The following SV2B variants were observed in gnomAD, a reference collection of about 807,000 sequenced individuals.
SV2B encodes solute carrier family 22 member B2.
In SV2B, 41 loss-of-function variants were observed where a neutral mutation model predicts 73.9. That is an observed-to-expected ratio of 0.56 (90% confidence interval 0.43 to 0.72). The LOEUF (loss-of-function observed/expected upper bound fraction) is 0.72. SV2B is among the 30% of genes least tolerant of loss of function. The probability of loss-of-function intolerance (pLI) is 0.00; values close to 1 mark genes in which losing one functional copy is unlikely to be tolerated. For synonymous variants in SV2B, 314 were observed against 314.2 expected (o/e 1.00, Z 0.01); for missense variants, 764 against 857.8 (o/e 0.89, Z 1.37).
intron 1 of SV2B, among the ~76,000 whole-genome samples, chr15:91,189,372 AT>A (rs752346738): frequency 2.6e-5 from 4 of 152,022 alleles, no homozygotes; most frequent in Middle Eastern, 3.2e-3. Context: ...GTATTGTTTT[AT>A]TTTTATGTAT....
chr15:91,244,840 A>T (rs907147752), intron 2 of SV2B, among the ~76,000 whole-genome samples: 1 of 152,200 alleles, frequency 6.6e-6, no homozygotes, highest in African/African-American at 2.4e-5. Context: ...GATGCAATGG[A>T]AATGGTTTAG....
At position 91,284,284 on chromosome 15, in the gene SV2B, T is replaced by A; in HGVS notation, c.1708+63T>A. On this transcript the variant is annotated intron_variant, in intron 11 of 12. Transcript: ENST00000394232. This position sits in a 1 kb window ranked among gnomAD's most constrained non-coding sequence, Gnocchi z 4.5. ...GCTGGGGTGGTGACTTTCAAGTGTA[T>A]TAAACAGGGAAATTTTCCCTTTTAT... The A allele has an allele frequency of 6.5e-7, 1 of 1,549,896 alleles. No homozygotes were observed. Among genetic ancestry groups the A allele is most frequent in the Non-Finnish European group, 8.9e-7 (1 of 1,129,850 alleles).
At position 91,283,314 on chromosome 15, in the gene SV2B, A is replaced by G. The variant is rs1274042753; in HGVS notation, c.1508-707A>G. 6.6e-6 allele frequency among the ~76,000 whole-genome samples: 1 copy of G among 152,212 alleles called. No individual in the cohort carries two copies. Among genetic ancestry groups the G allele is most frequent in the Non-Finnish European group, 1.5e-5 (1 of 68,024 alleles). Reference sequence around the variant, plus strand: ...GGAGTGATCGGCTCCATCTGGAACCAACTCTCTTGTGTTCTGCTCCCCTAT... The same window carrying G: ...GGAGTGATCGGCTCCATCTGGAACCGACTCTCTTGTGTTCTGCTCCCCTAT... On this transcript the variant is annotated intron_variant, in intron 10 of 12. Transcript: ENST00000394232. This position sits in a 1 kb window ranked among gnomAD's most constrained non-coding sequence, Gnocchi z 4.3.
chr15:91,158,970 CTAATG>C (rs2043614025), intron 1 of SV2B, among the ~76,000 whole-genome samples: 2 of 151,766 alleles, frequency 1.3e-5, no homozygotes, highest in African/African-American at 4.8e-5. Context: ...CCTGGTTGTG[CTAATG>C]TAGGAAAGAA....
intron 1 of SV2B, among the ~76,000 whole-genome samples, chr15:91,218,732 C>T (rs2046116735): frequency 6.6e-6 from 1 of 152,114 alleles, no homozygotes; most frequent in Non-Finnish European, 1.5e-5. Context: ...CCATTTTCTT[C>T]TTCTGCCCTG....
chr15:91,209,600 G>A (rs1229503603), intron 1 of SV2B, among the ~76,000 whole-genome samples: 2 of 152,210 alleles, frequency 1.3e-5, no homozygotes, highest in African/African-American at 4.8e-5. Context: ...GAGATAATAT[G>A]TGATATTCTG....
In SV2B at chr15:91,278,823, G is replaced by A. The variant is rs1358139502; in HGVS notation, c.1374-2905G>A. 2.0e-5 allele frequency among the ~76,000 whole-genome samples: 3 copies of A among 152,056 alleles called. No homozygotes were observed. The East Asian group carries it at 5.8e-4, about 29-fold the overall frequency. On this transcript the variant is annotated intron_variant, in intron 9 of 12. Coordinates refer to ENST00000394232, the MANE Select transcript of SV2B (RefSeq NM_001323032.3). ...TTTGATTTACCTCAGATTAGGACCTGATCTAAGGTAATATGTGAGAAGCCG... is the reference window on the plus strand; with the variant it reads ...TTTGATTTACCTCAGATTAGGACCTAATCTAAGGTAATATGTGAGAAGCCG...
At chr15:91,228,283 C>G (rs963437448) in intron 2 of SV2B, among the ~76,000 whole-genome samples, 1 of 152,072 alleles carries the variant, frequency 6.6e-6, no homozygotes, top group Non-Finnish European at 1.5e-5. Flanking sequence ...AAGATATCAC[C>G]TGGAGTTTTT....
intron 1 of SV2B, among the ~76,000 whole-genome samples, chr15:91,191,294 C>T (rs1857481201): frequency 6.6e-6 from 1 of 151,838 alleles, no homozygotes; most frequent in Non-Finnish European, 1.5e-5. Flanking sequence ...TGTACAGGCT[C>T]CTAGTAATCT....
intron 2 of SV2B, among the ~76,000 whole-genome samples, chr15:91,248,165 CA>C (rs534556244): frequency 1.3e-5 from 2 of 151,906 alleles, no homozygotes; most frequent in African/African-American, 4.8e-5. Flanking sequence ...ACTAAAAATA[CA>C]AAAAATTAGC....
At position 91,159,355 on chromosome 15, in the gene SV2B, G is replaced by A. The variant is rs115471658; in HGVS notation, c.-392+58992G>A. Among the ~76,000 whole-genome samples the A allele has an allele frequency of 7.8e-3, 1,181 of 152,300 alleles. 16 individuals carry two copies. Among genetic ancestry groups the A allele is most frequent in the African/African-American group, 0.027 (1,121 of 41,564 alleles). ...TCTGGATAGTCAGATTACCTACACAGTGAAGCTCTGCTCTACCCAAAAGGG... is the reference window on the plus strand; with the variant it reads ...TCTGGATAGTCAGATTACCTACACAATGAAGCTCTGCTCTACCCAAAAGGG... On this transcript the variant is annotated intron_variant, in intron 1 of 12. Coordinates refer to ENST00000394232, the MANE Select transcript of SV2B (RefSeq NM_001323032.3).
intron 10 of SV2B, among the ~76,000 whole-genome samples, chr15:91,282,473 G>T (rs980167046): frequency 6.6e-6 from 1 of 152,026 alleles, no homozygotes; most frequent in Non-Finnish European, 1.5e-5. Context: ...GTGAAGTCGG[G>T]GTATAAGGAA....
intron 2 of SV2B, among the ~76,000 whole-genome samples, chr15:91,246,475 A>C (rs2047230489): frequency 6.6e-6 from 1 of 152,166 alleles, no homozygotes; most frequent in Non-Finnish European, 1.5e-5. Context: ...TGGGCACCGA[A>C]TTTTACAAAG....
rs2047783072 is a variant in SV2B, at chr15:91,258,491, G to T, written c.855G>T (p.Leu285=). The change falls in exon 5 of 13, where the codon CTG becomes CTT. Residue 285 remains leucine (L), a synonymous_variant. Transcript: ENST00000394232. This position sits in a 1 kb window ranked among gnomAD's most constrained non-coding sequence, Gnocchi z 4.7. ...GAGTGTTTGTCATCGTCTGTGCTCT[G>T]CCCTGCACCGTGTCCATGGTGGCCC... The part of the protein sequence containing the change: ...SWRVFVIVCA[L]PCTVSMVALK... The T allele has an allele frequency of 6.2e-7, 1 of 1,614,024 alleles. No individual in the cohort carries two copies. The highest frequency in any genetic ancestry group is 1.1e-5 in the South Asian group (1 of 91,078).
chr15:91,124,124 CT>C lies in SV2B; in HGVS notation c.-392+23763del, dbSNP rs1176179409. Among the ~76,000 whole-genome samples the C allele has an allele frequency of 1.3e-5, 2 of 152,186 alleles. No homozygotes were observed. The highest frequency in any genetic ancestry group is 4.8e-5 in the African/African-American group (2 of 41,444). ...CCAAGGTGGGCAAACTGTGTTTTGG[CT>C]TGCTGGTACTGGTTTGCCATTCTTT... On this transcript the variant is annotated intron_variant, in intron 1 of 12. Coordinates refer to ENST00000394232, the MANE Select transcript of SV2B (RefSeq NM_001323032.3). This position sits in a 1 kb window ranked among gnomAD's most constrained non-coding sequence, Gnocchi z 4.6.
At chr15:91,155,098 T>C (rs2043442561) in intron 1 of SV2B, among the ~76,000 whole-genome samples, 1 of 152,160 alleles carries the variant, frequency 6.6e-6, no homozygotes, top group Admixed American at 6.5e-5. Flanking sequence ...GGGACTCTGA[T>C]TCTTCCCACT....
In SV2B at chr15:91,118,088, G is replaced by A. The variant is rs1490374931; in HGVS notation, c.-392+17725G>A. Among the ~76,000 whole-genome samples the A allele has an allele frequency of 6.6e-6, 1 of 152,134 alleles. No homozygotes were observed. Among genetic ancestry groups the A allele is most frequent in the Non-Finnish European group, 1.5e-5 (1 of 68,022 alleles). ...AGTGGGTAGAATTTTTGAAATCTTG[G>A]CCTGTAACAAATACTAGCTTGAGGT... On this transcript the variant is annotated intron_variant, in intron 1 of 12. Coordinates refer to ENST00000394232, the MANE Select transcript of SV2B (RefSeq NM_001323032.3). The surrounding 1 kb of genome is among the most constrained non-coding windows in gnomAD (Gnocchi z 4.7).
intron 1 of SV2B, among the ~76,000 whole-genome samples, chr15:91,165,929 T>G (rs2043896553): frequency 6.6e-6 from 1 of 152,250 alleles, no homozygotes; most frequent in African/African-American, 2.4e-5. Context: ...TTGTTTTTCT[T>G]TATCTGTAAA....
intron 1 of SV2B, among the ~76,000 whole-genome samples, chr15:91,145,521 G>C (rs1310709726): frequency 6.6e-6 from 1 of 152,146 alleles, no homozygotes; most frequent in Non-Finnish European, 1.5e-5. Flanking sequence ...GAGATTGCTG[G>C]GTTGAATGGT....
Sources: gnomAD v4.1 joint callset for allele counts (sites outside exome capture counted in the v4.1 genomes callset) on GRCh38, gnomAD v4.1.1 for gene constraint, Gnocchi (gnomAD v3.1) non-coding constraint, MANE v1.5 for transcripts, NCBI Gene and HGNC (gene_info 2026-07-23, HGNC 2026-07-21) for gene names.